The following MID2 variants were observed in gnomAD, a reference collection of about 807,000 sequenced individuals.
MID2 encodes probable E3 ubiquitin-protein ligase MID2.
A neutral mutation model predicts 46.1 loss-of-function variants in MID2; 13 were observed. The observed-to-expected ratio is 0.28, with a 90% CI of 0.18 to 0.45. The LOEUF (loss-of-function observed/expected upper bound fraction) is 0.45. Among genes scored for constraint, MID2 ranks in the 20% least tolerant of loss-of-function variants. MID2 has a pLI of 1.00. For missense variants in MID2, 431 were observed against 575.4 expected (o/e 0.75, Z 2.57); for synonymous variants, 199 against 212.3 (o/e 0.94, Z 0.55).
intron 3 of MID2, among the ~76,000 whole-genome samples, chrX:107,873,149 G>T (rs1413173286): frequency 1.8e-5 from 2 of 111,495 alleles, no homozygotes; most frequent in Non-Finnish European, 3.8e-5. Context: ...CCAAAGCAAG[G>T]AATTATCTCA....
At chrX:107,850,722 G>A (rs1322764423) in intron 2 of MID2, among the ~76,000 whole-genome samples, 1 of 112,025 alleles carries the variant, frequency 8.9e-6, no homozygotes, top group Non-Finnish European at 1.9e-5. Flanking sequence ...GTAACTCAAG[G>A]CGCATAGTCT....
chrX:107,890,113 C>T (rs1374285653), intron 3 of MID2, among the ~76,000 whole-genome samples: 1 of 112,296 alleles, frequency 8.9e-6, no homozygotes, highest in East Asian at 2.8e-4. Context: ...TTTCTTCTCT[C>T]AACTCATCAA....
chrX:107,911,073 C>G (rs1003844002), intron 5 of MID2, among the ~76,000 whole-genome samples: 5 of 107,600 alleles, frequency 4.6e-5, no homozygotes, highest in African/African-American at 1.7e-4. Flanking sequence ...AGGGTGGTCT[C>G]GAACTCCTGA....
At chrX:107,856,058 A>C (rs1931731763) in intron 3 of MID2, among the ~76,000 whole-genome samples, 1 of 112,359 alleles carries the variant, frequency 8.9e-6, no homozygotes, top group Non-Finnish European at 1.9e-5. Context: ...TCTTACCTAT[A>C]AAATGAAGAG....
At chrX:107,858,430 A>G (rs1351957627) in intron 3 of MID2, among the ~76,000 whole-genome samples, 1 of 112,387 alleles carries the variant, frequency 8.9e-6, no homozygotes, top group Non-Finnish European at 1.9e-5. Flanking sequence ...CAACAGATGA[A>G]TACTTCCTCT....
rs147431248 is a variant in MID2 at position 107,926,230 on chromosome X, T to C, written c.1734T>C (p.Tyr578=). 26 of 1,208,476 alleles carry C rather than the reference T, an allele frequency of 2.2e-5. No individual in the cohort carries two copies. In the African/African-American group the frequency reaches 3.7e-4, roughly 17 times the overall value. ...TPERFSGTGC[Y]GAAGNIFIDS... ...AGAGGTTTAGTGGCACAGGGTGCTA[T>C]GGGGCAGCAGGAAATATATTCATTG... Residue 578 remains tyrosine (Y), a synonymous_variant, in exon 9 of 10, where the codon TAT becomes TAC. Coordinates refer to ENST00000262843, the MANE Select transcript of MID2 (RefSeq NM_012216.4).
chrX:107,841,464 CTT>C, intron 2 of MID2, 79 bp downstream of exon 2: 1 of 740,682 alleles, frequency 1.4e-6, no homozygotes, highest in Non-Finnish European at 2.0e-6. Context: ...AAATAGGTGA[CTT>C]TTCCTATATG....
At chrX:107,871,150 T>G (rs1020686705) in intron 3 of MID2, among the ~76,000 whole-genome samples, 2 of 111,748 alleles carry the variant, frequency 1.8e-5, no homozygotes, top group Admixed American at 9.5e-5. Context: ...TTCTATAAAA[T>G]TAACAACTTT....
At chrX:107,924,584 C>T in intron 8 of MID2, 80 bp downstream of exon 8, 1 of 1,013,996 alleles carries the variant, frequency 9.9e-7, no homozygotes, top group Non-Finnish European at 1.4e-6. Flanking sequence ...CAGGCACTCA[C>T]AGCAGTGCAT....
At chrX:107,902,756 C>T (rs1055099296) in intron 3 of MID2, among the ~76,000 whole-genome samples, 3 of 111,240 alleles carry the variant, frequency 2.7e-5, no homozygotes, top group African/African-American at 9.8e-5. Flanking sequence ...GGAAATGCAG[C>T]CCTACCTTGC....
intron 1 of MID2, among the ~76,000 whole-genome samples, chrX:107,831,155 G>C (rs1484278030): frequency 9.0e-6 from 1 of 111,242 alleles, no homozygotes; most frequent in African/African-American, 3.3e-5. Context: ...TAGGATGCTG[G>C]TTCAGCCTAA....
chrX:107,844,679 A>G (rs939257409), intron 2 of MID2, among the ~76,000 whole-genome samples: 1 of 110,893 alleles, frequency 9.0e-6, no homozygotes, highest in Non-Finnish European at 1.9e-5. Context: ...TGTGCTGCCC[A>G]TGTATTTTCC....
intron 3 of MID2, among the ~76,000 whole-genome samples, chrX:107,888,646 G>A (rs780013570): frequency 8.9e-6 from 1 of 111,870 alleles, no homozygotes; most frequent in Non-Finnish European, 1.9e-5. Context: ...TTGGTGCAGA[G>A]CTGAGTTCAA....
intron 3 of MID2, among the ~76,000 whole-genome samples, chrX:107,897,643 A>G (rs1341548924): frequency 2.7e-5 from 3 of 111,084 alleles, no homozygotes; most frequent in African/African-American, 9.8e-5. Context: ...ACAGGGCTAT[A>G]GTGCTGGTGG....
intron 3 of MID2, among the ~76,000 whole-genome samples, chrX:107,898,671 A>G (rs1168094500): frequency 8.9e-6 from 1 of 112,276 alleles, no homozygotes; most frequent in Admixed American, 9.5e-5. Flanking sequence ...AGGGAAACCC[A>G]GCACTATGCT....
intron 5 of MID2, among the ~76,000 whole-genome samples, chrX:107,908,599 T>A (rs1337926024): frequency 2.8e-5 from 3 of 108,694 alleles, no homozygotes; most frequent in African/African-American, 6.7e-5. Context: ...ATATTCAGGC[T>A]GGGTGTGGTG....
intron 7 of MID2, among the ~76,000 whole-genome samples, chrX:107,920,158 G>C (rs1460413772): frequency 6.2e-5 from 7 of 112,110 alleles, no homozygotes; most frequent in Admixed American, 3.8e-4. Flanking sequence ...CCTACCTGCC[G>C]GTCTGGCCTG....
intron 1 of MID2, among the ~76,000 whole-genome samples, chrX:107,837,597 CA>C (rs750057009): frequency 0.02 from 1,599 of 81,507 alleles, 38 homozygotes; most frequent in African/African-American, 0.065. Flanking sequence ...TTCCAGAATT[CA>C]AAAAAAAAAA....
At chrX:107,857,514 C>G (rs1931766042) in intron 3 of MID2, among the ~76,000 whole-genome samples, 1 of 111,760 alleles carries the variant, frequency 8.9e-6, no homozygotes, top group Non-Finnish European at 1.9e-5. Flanking sequence ...CTCCTGAGCT[C>G]AGGCAATCCA....
Sources: gnomAD v4.1 joint callset for allele counts (sites outside exome capture counted in the v4.1 genomes callset) on GRCh38, gnomAD v4.1.1 for gene constraint, MANE v1.5 for transcripts, NCBI Gene and HGNC (gene_info 2026-07-23, HGNC 2026-07-21) for gene names.